PKHD1: variants seen among roughly 807,000 people sequenced by gnomAD.
The protein encoded by PKHD1 is PKHD1 ciliary IPT domain containing fibrocystin/polyductin, also known as fibrocystin.
In PKHD1, 291 loss-of-function variants were observed where a neutral mutation model predicts 412.0. That is an observed-to-expected ratio of 0.71 (90% CI 0.64 to 0.78). The LOEUF (loss-of-function observed/expected upper bound fraction) is 0.78, where lower values mean the gene tolerates loss of function less well. Ranked by LOEUF, PKHD1 falls within the 30% of genes least tolerant of loss-of-function variation. PKHD1 has a pLI of 0.00. For synonymous variants in PKHD1, 1,777 were observed against 1,821.5 expected (o/e 0.98, Z 0.62); for missense variants, 4,825 against 4,950.7 (o/e 0.97, Z 0.76).
At chr6:51,635,012 G>A (rs1768349702) in intron 64 of PKHD1, among the ~76,000 whole-genome samples, 2 of 152,122 alleles carry the variant, frequency 1.3e-5, no homozygotes, top group African/African-American at 4.8e-5. Context: ...CTGTAGCCCT[G>A]AACACCAGGG....
chr6:51,620,063 T>C (rs897878234), intron 66 of PKHD1, among the ~76,000 whole-genome samples: 2 of 152,214 alleles, frequency 1.3e-5, no homozygotes, highest in Non-Finnish European at 2.9e-5. Flanking sequence ...GAAAGAGAGA[T>C]GGCACATTAC....
rs1207170882 is a variant in PKHD1, at chr6:52,065,010, A to T, written c.921T>A (p.Ile307=). ...CDIRHVSPRK[I]ECTTRAPGKD... is the part of the protein sequence containing the mutation. Reference sequence around the variant, plus strand: ...TTCCTGGAGCCCGAGTGGTGCACTCAATCTTCCTGGGAGACACGTGTCTAA... The same window carrying T: ...TTCCTGGAGCCCGAGTGGTGCACTCTATCTTCCTGGGAGACACGTGTCTAA... Residue 307 remains isoleucine (I), a synonymous_variant, in exon 13 of 67, where the codon ATT becomes ATA. Transcript: ENST00000371117. The T allele has an allele frequency of 6.2e-7, 1 of 1,602,484 alleles. No individual in the cohort carries two copies.
chr6:51,783,754 A>T (rs144321371), intron 53 of PKHD1, among the ~76,000 whole-genome samples: 1 of 152,336 alleles, frequency 6.6e-6, no homozygotes, highest in East Asian at 1.9e-4. Context: ...AGTGGGGGAC[A>T]TTTTTAAGTC....
intron 55 of PKHD1, among the ~76,000 whole-genome samples, chr6:51,757,630 T>C (rs1391691683): frequency 6.6e-6 from 1 of 152,126 alleles, no homozygotes; most frequent in Non-Finnish European, 1.5e-5. Context: ...TGCTGTTTAT[T>C]GCCTTGTGAC....
At chr6:52,047,561 A>G (rs1806057403) in intron 23 of PKHD1, among the ~76,000 whole-genome samples, 1 of 152,218 alleles carries the variant, frequency 6.6e-6, no homozygotes, top group African/African-American at 2.4e-5. Flanking sequence ...AAGATTTACA[A>G]ACACTACTCT....
chr6:52,010,416 A>T lies in PKHD1; in HGVS notation c.5644T>A (p.Cys1882Ser). 6.2e-7 allele frequency: 1 copy of T among 1,609,362 alleles called. No homozygotes were observed. The highest frequency in any genetic ancestry group is 8.5e-7 in the Non-Finnish European group (1 of 1,175,714). Residue 1882 changes from cysteine to serine, a missense_variant, in exon 35 of 67, where the codon TGT (cysteine) becomes AGT (serine). Physicochemically the swap from Cys to Ser is moderately radical, Grantham distance 112. Transcript: ENST00000371117. Reference sequence around the variant, plus strand: ...GCCTCAGTTTCCATGGTAATGTTACAGGAGCTATTATAGATGAGAACTTCA... The same window carrying T: ...GCCTCAGTTTCCATGGTAATGTTACTGGAGCTATTATAGATGAGAACTTCA... Reference protein sequence around the residue: ...RDEVLIYNSSCNITMETEAEM... With the variant: ...RDEVLIYNSSSNITMETEAEM...
At chr6:51,668,073 T>A (rs572571287) in intron 60 of PKHD1, among the ~76,000 whole-genome samples, 11 of 152,298 alleles carry the variant, frequency 7.2e-5, no homozygotes, top group Admixed American at 2.6e-4. Flanking sequence ...TTTTTTCCAA[T>A]TCTGTGAAGA....
chr6:52,038,277 A>T (rs1804255417), intron 27 of PKHD1, among the ~76,000 whole-genome samples: 1 of 151,752 alleles, frequency 6.6e-6, no homozygotes, highest in Admixed American at 6.6e-5. Flanking sequence ...GCTACTCAGG[A>T]GGCAGGAGAA....
intron 52 of PKHD1, among the ~76,000 whole-genome samples, chr6:51,824,329 T>C (rs1227254366): frequency 3.9e-5 from 6 of 152,164 alleles, no homozygotes; most frequent in African/African-American, 1.4e-4. Context: ...GTTTCTATAG[T>C]ATATTTTTAA....
At chr6:51,814,674 A>G (rs1765178179) in intron 52 of PKHD1, among the ~76,000 whole-genome samples, 1 of 151,782 alleles carries the variant, frequency 6.6e-6, no homozygotes, top group Non-Finnish European at 1.5e-5. Context: ...TCAGCTCCTC[A>G]GGTGCTGAGC....
intron 25 of PKHD1, among the ~76,000 whole-genome samples, chr6:52,044,270 C>G (rs1335379611): frequency 6.6e-6 from 1 of 152,102 alleles, no homozygotes; most frequent in African/African-American, 2.4e-5. Flanking sequence ...TAATAGAACT[C>G]AAAAACTACT....
chr6:52,014,150 A>T (rs1290441024), intron 34 of PKHD1, among the ~76,000 whole-genome samples: 1 of 152,150 alleles, frequency 6.6e-6, no homozygotes, highest in Admixed American at 6.5e-5. Flanking sequence ...CCTCCTTCTC[A>T]GTCTACTCCC....
intron 60 of PKHD1, among the ~76,000 whole-genome samples, chr6:51,699,927 G>A (rs654900): frequency 4.0e-4 from 9 of 22,594 alleles, no homozygotes; most frequent in Non-Finnish European, 1.6e-3. Flanking sequence ...TGGAGTGTGT[G>A]TGTGTGTGTG....
At position 51,619,522 on chromosome 6, in the gene PKHD1, T is replaced by A. The variant is rs1291563935; in HGVS notation, c.11786-2A>T. 6.2e-7 allele frequency: 1 copy of A among 1,612,792 alleles called. No individual in the cohort carries two copies. The highest frequency in any genetic ancestry group is 1.3e-5 in the African/African-American group (1 of 75,002). On this transcript the variant is annotated splice_acceptor_variant, in intron 66 of 66. Transcript: ENST00000371117. LOFTEE classifies it high-confidence loss of function. Reference sequence around the variant, plus strand: ...CCAGCATGACCTTCATTCTCATATCTGGGGGGAAAAGAAATAGGGGAAGAA... The same window carrying A: ...CCAGCATGACCTTCATTCTCATATCAGGGGGGAAAAGAAATAGGGGAAGAA...
Position 51,616,380 on chromosome 6 carries a change from C to T in PKHD1, c.*2701G>A, listed in dbSNP as rs375307302. On this transcript the variant is annotated 3_prime_UTR_variant, in exon 67 of 67. Coordinates refer to ENST00000371117, the MANE Select transcript of PKHD1 (RefSeq NM_138694.4). ...TTTAGATAAAGGGTGTAGATTGTCA[C>T]TGCTGGGAAATATTTGCTGGGTTAC... 1 of 296,524 alleles carries T rather than the reference C, an allele frequency of 3.4e-6. No homozygotes were observed. 18.4% of individuals were successfully genotyped at this position (296,524 alleles called of 1,614,324 possible).
chr6:52,059,580 T>C (rs1346634945), intron 15 of PKHD1, among the ~76,000 whole-genome samples: 3 of 152,096 alleles, frequency 2.0e-5, no homozygotes, highest in Admixed American at 6.5e-5. Context: ...AATTTCTTCA[T>C]GTGGAAAAGA....
At chr6:51,836,926 C>A (rs1004403427) in intron 50 of PKHD1, among the ~76,000 whole-genome samples, 1 of 152,090 alleles carries the variant, frequency 6.6e-6, no homozygotes. Context: ...GAAGCCTTTT[C>A]CCCACCCCCT....
chr6:51,616,416 G>T lies in PKHD1; in HGVS notation c.*2665C>A, dbSNP rs189302289. On this transcript the variant is annotated 3_prime_UTR_variant, in exon 67 of 67. Transcript: ENST00000371117. ...TATTTGCTGGGTTACCCATGTTAAC[G>T]ATCTGAATAAATTTAGAGTTGGCCT... 102 of 359,962 alleles carry T rather than the reference G, an allele frequency of 2.8e-4. No individual in the cohort carries two copies. In the East Asian group the frequency reaches 4.0e-3, roughly 14 times the overall value. The allele number at this position is 359,962 out of a possible 1,614,324, so 22.3% of individuals were successfully genotyped here. A position where few individuals can be genotyped will look rare whatever the true frequency, so the allele number is the denominator to read the frequency against.
chr6:51,972,852 A>G (rs1444321049), intron 35 of PKHD1, among the ~76,000 whole-genome samples: 1 of 152,240 alleles, frequency 6.6e-6, no homozygotes, highest in Non-Finnish European at 1.5e-5. Flanking sequence ...AAACGTAGAG[A>G]TAATTGAATA....
Sources: gnomAD v4.1 joint callset for allele counts (sites outside exome capture counted in the v4.1 genomes callset) on GRCh38, gnomAD v4.1.1 for gene constraint, MANE v1.5 for transcripts, NCBI Gene and HGNC (gene_info 2026-07-23, HGNC 2026-07-21) for gene names.